The following SUGCT variants were observed in gnomAD, a reference collection of about 807,000 sequenced individuals.
SUGCT encodes the protein succinyl-CoA:glutarate-CoA transferase, also known as succinyl-CoA:glutarate CoA-transferase.
In SUGCT, 41 loss-of-function variants were observed where a neutral mutation model predicts 55.0. The ratio of observed to expected loss-of-function variants is 0.74; its 90% CI spans 0.58 to 0.97. SUGCT has a LOEUF of 0.97. Among genes scored for constraint, SUGCT ranks in the 50% least tolerant of loss-of-function variants. The pLI is 0.00. For synonymous variants in SUGCT, 187 were observed against 200.4 expected (o/e 0.93, Z 0.56); for missense variants, 568 against 547.8 (o/e 1.04, Z -0.37).
chr7:40,898,469 C>G, the SUGCT span, among the ~76,000 whole-genome samples: 1 of 19,756 alleles, frequency 5.1e-5, no homozygotes, highest in African/African-American at 1.7e-4. Flanking sequence ...AATCCCAGCA[C>G]TCCGGGAGGT....
intron 12 of SUGCT, among the ~76,000 whole-genome samples, chr7:40,542,907 A>G (rs1300059664): frequency 3.3e-5 from 5 of 152,206 alleles, no homozygotes; most frequent in Non-Finnish European, 1.5e-5. Context: ...AGTCTCAAGC[A>G]TTCTGAAAAG....
At chr7:40,749,778 A>G (rs1787915491) in intron 13 of SUGCT, among the ~76,000 whole-genome samples, 1 of 152,230 alleles carries the variant, frequency 6.6e-6, no homozygotes, top group Non-Finnish European at 1.5e-5. Context: ...ACAAAAGTAC[A>G]TCATGTAATT....
chr7:40,307,733 T>C (rs538931396), intron 8 of SUGCT, among the ~76,000 whole-genome samples: 1 of 152,202 alleles, frequency 6.6e-6, no homozygotes, highest in Non-Finnish European at 1.5e-5. Flanking sequence ...GAATACTGAT[T>C]CTCCTTTTAA....
In SUGCT at chr7:40,341,337, A is replaced by G. The variant is rs529884055; in HGVS notation, c.816+24482A>G. On this transcript the variant is annotated intron_variant, in intron 9 of 13. Transcript: ENST00000335693. ...ATTTGTTTAGACTTTCAAGGAGTCA[A>G]AAAGTTTCACAATGCTATTCCAAAT... Among the ~76,000 whole-genome samples, 4 of 152,334 alleles carry G rather than the reference A, an allele frequency of 2.6e-5. No homozygotes were observed. In the South Asian group the frequency reaches 6.2e-4, roughly 24 times the overall value.
intron 13 of SUGCT, among the ~76,000 whole-genome samples, chr7:40,829,840 C>T (rs1792559366): frequency 1.3e-5 from 2 of 152,134 alleles, no homozygotes; most frequent in South Asian, 2.1e-4. Context: ...GCTCCAGGGC[C>T]TGCATCACAT....
intron 7 of SUGCT, among the ~76,000 whole-genome samples, chr7:40,245,650 A>G (rs1173848492): frequency 6.7e-6 from 1 of 149,494 alleles, no homozygotes. Context: ...TGTGTTAGCC[A>G]GATGGTCTCG....
At chr7:40,880,030 C>T in the SUGCT span, among the ~76,000 whole-genome samples, 1 of 152,190 alleles carries the variant, frequency 6.6e-6, no homozygotes, top group African/African-American at 2.4e-5. Flanking sequence ...GAGCAATAGG[C>T]CTCAATGTAT....
intron 8 of SUGCT, among the ~76,000 whole-genome samples, chr7:40,306,149 C>G (rs866990401): frequency 9.2e-5 from 14 of 152,252 alleles, no homozygotes; most frequent in Middle Eastern, 3.4e-3. Flanking sequence ...GTCCTTGCTG[C>G]TTTGTTGACA....
the SUGCT span, among the ~76,000 whole-genome samples, chr7:41,034,565 C>T: frequency 6.6e-6 from 1 of 152,170 alleles, no homozygotes; most frequent in Non-Finnish European, 1.5e-5. Flanking sequence ...ACTTCTTGTG[C>T]ACCAGGCTGA....
intron 12 of SUGCT, among the ~76,000 whole-genome samples, chr7:40,747,728 G>C (rs1056466198): frequency 5.9e-5 from 9 of 152,132 alleles, no homozygotes; most frequent in African/African-American, 2.2e-4. Flanking sequence ...TCTTACTAAG[G>C]TTCCAGTAAT....
chr7:40,747,207 T>C (rs1327711050), intron 12 of SUGCT, among the ~76,000 whole-genome samples: 1 of 152,156 alleles, frequency 6.6e-6, no homozygotes, highest in Non-Finnish European at 1.5e-5. Flanking sequence ...TCATCCTCAA[T>C]GAGGGAGGTT....
intron 9 of SUGCT, among the ~76,000 whole-genome samples, chr7:40,325,931 A>G (rs528817352): frequency 9.4e-6 from 1 of 106,326 alleles, no homozygotes; most frequent in East Asian, 2.7e-4. Context: ...CAGATTCTAG[A>G]ATTCTTCTAA....
At chr7:40,302,280 T>G (rs184913358) in intron 8 of SUGCT, among the ~76,000 whole-genome samples, 1 of 152,298 alleles carries the variant, frequency 6.6e-6, no homozygotes, top group East Asian at 1.9e-4. Flanking sequence ...CCTGTTTTTT[T>G]TGTCCCCTCC....
chr7:40,884,823 G>A, the SUGCT span, among the ~76,000 whole-genome samples: 4 of 152,100 alleles, frequency 2.6e-5, no homozygotes, highest in East Asian at 1.9e-4. Flanking sequence ...AGGACTTATC[G>A]TTACTTTACA....
intron 7 of SUGCT, among the ~76,000 whole-genome samples, chr7:40,267,017 A>G (rs1167162408): frequency 1.2e-5 from 1 of 86,428 alleles, no homozygotes; most frequent in Non-Finnish European, 2.2e-5. Context: ...CTCCATCTAA[A>G]AAAAACAAAA....
At chr7:40,790,397 A>G (rs933369003) in intron 13 of SUGCT, among the ~76,000 whole-genome samples, 1 of 152,130 alleles carries the variant, frequency 6.6e-6, no homozygotes, top group Non-Finnish European at 1.5e-5. Context: ...ACTCAATTAA[A>G]CTTTTTTCCT....
At chr7:40,797,418 C>T (rs549743139) in intron 13 of SUGCT, among the ~76,000 whole-genome samples, 193 of 152,148 alleles carry the variant, frequency 1.3e-3, no homozygotes, top group Non-Finnish European at 2.2e-3. Context: ...TTCTGAAGTC[C>T]GTTCCTTCTC....
intron 13 of SUGCT, among the ~76,000 whole-genome samples, chr7:40,828,056 C>A (rs988024401): frequency 6.6e-6 from 1 of 152,190 alleles, no homozygotes; most frequent in Non-Finnish European, 1.5e-5. Context: ...ACCTGCATTT[C>A]TTTAGAGCTT....
intron 12 of SUGCT, among the ~76,000 whole-genome samples, chr7:40,600,593 T>C (rs966836593): frequency 6.6e-6 from 1 of 152,208 alleles, no homozygotes; most frequent in African/African-American, 2.4e-5. Context: ...AACTTCCTAA[T>C]TGATTTGAAA....
Sources: gnomAD v4.1 joint callset for allele counts (sites outside exome capture counted in the v4.1 genomes callset) on GRCh38, gnomAD v4.1.1 for gene constraint, MANE v1.5 for transcripts, NCBI Gene and HGNC (gene_info 2026-07-23, HGNC 2026-07-21) for gene names.